The following PCDHGB4 variants were observed in gnomAD, a reference collection of about 807,000 sequenced individuals.
The protein encoded by PCDHGB4 is protocadherin gamma subfamily B, 4.
In PCDHGB4, 38 loss-of-function variants were observed where a neutral mutation model predicts 60.5. That is an observed-to-expected ratio of 0.63 (90% CI 0.48 to 0.82). PCDHGB4 has a LOEUF of 0.82. Among genes scored for constraint, PCDHGB4 ranks in the 40% least tolerant of loss-of-function variants. PCDHGB4 has a pLI of 0.00. For missense variants in PCDHGB4, 1,109 were observed against 1,209.6 expected (o/e 0.92, Z 1.23); for synonymous variants, 456 against 509.7 (o/e 0.89, Z 1.42).
At chr5:141,509,081 A>G (rs1279221589) in intron 3 of PCDHGB4, among the ~76,000 whole-genome samples, 1 of 152,160 alleles carries the variant, frequency 6.6e-6, no homozygotes, top group African/African-American at 2.4e-5. Flanking sequence ...GATTTGCGAC[A>G]TGAAATGGGG....
Position 141,409,996 on chromosome 5 carries a change from G to C in PCDHGB4, c.2397+19715G>C, listed in dbSNP as rs1561724976. 8.7e-6 allele frequency: 14 copies of C among 1,613,014 alleles called. No homozygotes were observed. The Admixed American group carries it at 1.8e-4, about 21-fold the overall frequency. On this transcript the variant is annotated intron_variant, in intron 1 of 3. Transcript: ENST00000519479. ...AGGTGGTAGCGGTGGACGCCGACTC[G>C]GGACACAACGCCTGGCTGTCCTACC...
intron 1 of PCDHGB4, chr5:141,478,233 TG>T (rs1467423955): frequency 3.7e-6 from 6 of 1,614,126 alleles, no homozygotes; most frequent in Non-Finnish European, 5.1e-6. Flanking sequence ...GTGGGGTTTG[TG>T]GTCACAGTGT....
chr5:141,415,968 C>T (rs1382830747), intron 1 of PCDHGB4: 2 of 390,600 alleles, frequency 5.1e-6, no homozygotes, highest in African/African-American at 2.1e-5. Context: ...ACTCCAGCCC[C>T]TTAAGCAACC....
rs1446432461 is a variant in PCDHGB4, at chr5:141,511,005, C to G, written c.2604C>G (p.Ala868=). 6.2e-7 allele frequency: 1 copy of G among 1,614,176 alleles called. No individual in the cohort carries two copies. Among genetic ancestry groups the G allele is most frequent in the Middle Eastern group, 1.6e-4 (1 of 6,062 alleles). ...GGGAGTMGLS[A]RYGPQFTLQH... is the part of the protein sequence containing the mutation. ...GTGCCGGCACCATGGGATTGAGCGC[C>G]CGCTACGGACCCCAGTTCACCCTGC... Residue 868 remains alanine, a synonymous_variant, in exon 4 of 4, where the codon GCC becomes GCG. Coordinates refer to ENST00000519479, the MANE Select transcript of PCDHGB4 (RefSeq NM_003736.4).
chr5:141,491,441 A>G lies in PCDHGB4; in HGVS notation c.2398-3366A>G, dbSNP rs776616506. 1.2e-6 allele frequency: 2 copies of G among 1,614,146 alleles called. No homozygotes were observed. The highest frequency in any genetic ancestry group is 1.7e-6 in the Non-Finnish European group (2 of 1,180,032). ...GGTGGAGGGCAGTGCTGCAGGCGCCAGGACTCACCCTCCCCGGACTTCTAT... is the reference window on the plus strand; with the variant it reads ...GGTGGAGGGCAGTGCTGCAGGCGCCGGGACTCACCCTCCCCGGACTTCTAT... On this transcript the variant is annotated intron_variant, in intron 1 of 3. Coordinates refer to ENST00000519479, the MANE Select transcript of PCDHGB4 (RefSeq NM_003736.4). The surrounding 1 kb of genome is among the most constrained non-coding windows in gnomAD (Gnocchi z 6.9).
At chr5:141,403,978 C>T (rs965753943) in intron 1 of PCDHGB4, 2 of 1,613,714 alleles carry the variant, frequency 1.2e-6, no homozygotes, top group African/African-American at 2.7e-5. Context: ...ATGTAAATGA[C>T]AATAGACCTG....
At chr5:141,399,311 A>C in intron 1 of PCDHGB4, 1 of 1,613,970 alleles carries the variant, frequency 6.2e-7, no homozygotes, top group Non-Finnish European at 8.5e-7. Context: ...TCTTCATCCA[A>C]AAATTCGTAT....
Position 141,486,734 on chromosome 5 carries a change from C to A in PCDHGB4, c.2398-8073C>A. ...CCAGACAGGAGCTGTTCATGCTACT[C>A]GATCCTTTGACTATGAGCAAACCCA... On this transcript the variant is annotated intron_variant, in intron 1 of 3. Transcript: ENST00000519479. The surrounding 1 kb of genome is among the most constrained non-coding windows in gnomAD (Gnocchi z 5.0). The A allele has an allele frequency of 1.2e-6, 2 of 1,614,188 alleles. No homozygotes were observed. Among genetic ancestry groups the A allele is most frequent in the Non-Finnish European group, 1.7e-6 (2 of 1,180,040 alleles).
chr5:141,445,828 G>A (rs1188169953), intron 1 of PCDHGB4, among the ~76,000 whole-genome samples: 2 of 152,188 alleles, frequency 1.3e-5, no homozygotes, highest in African/African-American at 2.4e-5. Context: ...AAGGCAGGGA[G>A]AGCCTTGTAA....
chr5:141,440,883 T>C (rs1435173649), intron 1 of PCDHGB4: 4 of 152,178 alleles, frequency 2.6e-5, no homozygotes, highest in Non-Finnish European at 5.9e-5. Flanking sequence ...AGCGTCGGCC[T>C]TCAGGAAGAT....
At chr5:141,488,259 C>T (rs1594750656) in intron 1 of PCDHGB4, among the ~76,000 whole-genome samples, 1 of 152,144 alleles carries the variant, frequency 6.6e-6, no homozygotes, top group African/African-American at 2.4e-5. Context: ...AAGGTTGGGG[C>T]GGGTTGGTCA....
At chr5:141,460,616 TAGAC>T (rs533223594) in intron 1 of PCDHGB4, among the ~76,000 whole-genome samples, 44 of 152,232 alleles carry the variant, frequency 2.9e-4, no homozygotes, top group Middle Eastern at 3.4e-3. Context: ...GATGGATAGA[TAGAC>T]AGATACAGAT....
Position 141,491,095 on chromosome 5 carries a change from T to C in PCDHGB4, c.2398-3712T>C, listed in dbSNP as rs1366401829. On this transcript the variant is annotated intron_variant, in intron 1 of 3. Coordinates refer to ENST00000519479, the MANE Select transcript of PCDHGB4 (RefSeq NM_003736.4). The surrounding 1 kb of genome is among the most constrained non-coding windows in gnomAD (Gnocchi z 6.9). ...GCCACAGTCCACAGCCCCAGGACTG[T>C]TCCTCGTGTCTACACACACTGGTGA... The C allele has an allele frequency of 3.7e-6, 6 of 1,614,154 alleles. No homozygotes were observed. The highest frequency in any genetic ancestry group is 4.2e-6 in the Non-Finnish European group (5 of 1,180,014).
At position 141,409,990 on chromosome 5, in the gene PCDHGB4, C is replaced by G. The variant is rs377295503; in HGVS notation, c.2397+19709C>G. On this transcript the variant is annotated intron_variant, in intron 1 of 3. Transcript: ENST00000519479. The stretch of plus-strand genomic sequence containing the variant: ...TGACTAAGGTGGTAGCGGTGGACGC[C>G]GACTCGGGACACAACGCCTGGCTGT... 2.7e-5 allele frequency: 44 copies of G among 1,613,278 alleles called. No homozygotes were observed. The African/African-American group carries it at 5.3e-4, about 20-fold the overall frequency.
rs776657082 is a variant in PCDHGB4, at chr5:141,432,778, G to A, written c.2397+42497G>A. On this transcript the variant is annotated intron_variant, in intron 1 of 3. Coordinates refer to ENST00000519479, the MANE Select transcript of PCDHGB4 (RefSeq NM_003736.4). The surrounding 1 kb of genome is among the most constrained non-coding windows in gnomAD (Gnocchi z 6.0). ...CCGACAGCATCCCCCAAGTCCTGGC[G>A]GACCTCGGCAGCCTCGAGTCTCCAG... 6.2e-7 allele frequency: 1 copy of A among 1,614,166 alleles called. No homozygotes were observed. Among genetic ancestry groups the A allele is most frequent in the Non-Finnish European group, 8.5e-7 (1 of 1,180,002 alleles).
Position 141,412,258 on chromosome 5 carries a change from C to T in PCDHGB4, c.2397+21977C>T, listed in dbSNP as rs569698099. 5.8e-4 allele frequency: 88 copies of T among 152,314 alleles called. 1 individual carries two copies. The highest frequency in any genetic ancestry group is 2.0e-3 in the African/African-American group (83 of 41,568). 9.4% of individuals were successfully genotyped at this position (152,314 alleles called of 1,614,324 possible). On this transcript the variant is annotated intron_variant, in intron 1 of 3. Transcript: ENST00000519479. Reference sequence around the variant, plus strand: ...ATATCACTACATCTAACTTTGTTTTCTAAAACTTTTAGTACTTCAAATTCT... The same window carrying T: ...ATATCACTACATCTAACTTTGTTTTTTAAAACTTTTAGTACTTCAAATTCT...
Position 141,432,521 on chromosome 5 carries a change from G to C in PCDHGB4, c.2397+42240G>C. ...CCGCTCCGCAGAGCCCGGCTACCTG[G>C]TGACCAAGGTGGTGGCGGTGGACAG... On this transcript the variant is annotated intron_variant, in intron 1 of 3. Transcript: ENST00000519479. The surrounding 1 kb of genome is among the most constrained non-coding windows in gnomAD (Gnocchi z 6.0). 1.2e-6 allele frequency: 2 copies of C among 1,614,112 alleles called. No individual in the cohort carries two copies. The highest frequency in any genetic ancestry group is 1.7e-6 in the Non-Finnish European group (2 of 1,180,028).
intron 1 of PCDHGB4, chr5:141,419,897 A>G: frequency 1.2e-6 from 2 of 1,613,960 alleles, no homozygotes; most frequent in African/African-American, 2.7e-5. Flanking sequence ...CGACCATCCC[A>G]CACCCTCTGA....
At chr5:141,428,122 G>T in intron 1 of PCDHGB4, 1 of 1,606,172 alleles carries the variant, frequency 6.2e-7, no homozygotes, top group Non-Finnish European at 8.5e-7. Flanking sequence ...ATCGAGCCCG[G>T]GCTTTTCAGC....
Sources: gnomAD v4.1 joint callset for allele counts (sites outside exome capture counted in the v4.1 genomes callset) on GRCh38, gnomAD v4.1.1 for gene constraint, Gnocchi (gnomAD v3.1) non-coding constraint, MANE v1.5 for transcripts, NCBI Gene and HGNC (gene_info 2026-07-23, HGNC 2026-07-21) for gene names.